RBFOX3: variants seen among roughly 807,000 people sequenced by gnomAD.
RBFOX3 encodes the protein RNA binding protein fox-1 homolog 3.
Under a neutral mutation model 48.7 loss-of-function variants are expected in RBFOX3, and 17 were observed. The observed-to-expected ratio is 0.35, with a 90% CI of 0.24 to 0.52. The LOEUF (loss-of-function observed/expected upper bound fraction) is 0.52. Among genes scored for constraint, RBFOX3 ranks in the 20% least tolerant of loss-of-function variants. RBFOX3 has a pLI of 0.94. For synonymous variants in RBFOX3, 212 were observed against 209.5 expected (o/e 1.01, Z -0.10); for missense variants, 382 against 497.5 (o/e 0.77, Z 2.21).
In RBFOX3 at chr17:79,471,336, C is replaced by T. The variant is rs998685806; in HGVS notation, c.-175+11118G>A. 6.0e-4 allele frequency among the ~76,000 whole-genome samples: 91 copies of T among 152,266 alleles called. No homozygotes were observed. Among genetic ancestry groups the T allele is most frequent in the African/African-American group, 2.1e-3 (87 of 41,536 alleles). On this transcript the variant is annotated intron_variant, in intron 2 of 14. Transcript: ENST00000693108. This position sits in a 1 kb window ranked among gnomAD's most constrained non-coding sequence, Gnocchi z 4.0. The stretch of plus-strand genomic sequence containing the variant: ...TGAGGGCAAAGCATTTTGCAAAGAG[C>T]GTGCAGGGCCGGGCAAAATACTAAA...
the RBFOX3 span, among the ~76,000 whole-genome samples, chr17:79,665,067 C>T: frequency 3.3e-5 from 5 of 152,178 alleles, no homozygotes; most frequent in East Asian, 5.8e-4. Context: ...CTCCTTGATC[C>T]GGCATTCAGA....
chr17:79,144,569 G>C (rs758085969), intron 4 of RBFOX3, among the ~76,000 whole-genome samples: 21 of 152,314 alleles, frequency 1.4e-4, no homozygotes, highest in Non-Finnish European at 2.9e-4. Context: ...GGGTGGAGGG[G>C]GCAGGGCTCA....
chr17:79,532,848 T>C (rs1308668477), intron 1 of RBFOX3, among the ~76,000 whole-genome samples: 1 of 147,026 alleles, frequency 6.8e-6, no homozygotes, highest in Non-Finnish European at 1.5e-5. Context: ...TGTGCACGCA[T>C]GCACGCCGCC....
intron 1 of RBFOX3, among the ~76,000 whole-genome samples, chr17:79,582,571 G>C (rs1202615348): frequency 1.3e-5 from 2 of 152,072 alleles, no homozygotes; most frequent in African/African-American, 4.8e-5. Flanking sequence ...GGGAGGCTGA[G>C]GCAACAGGAT....
intron 1 of RBFOX3, among the ~76,000 whole-genome samples, chr17:79,583,570 G>C (rs1334936700): frequency 6.6e-6 from 1 of 152,182 alleles, no homozygotes; most frequent in Non-Finnish European, 1.5e-5. Flanking sequence ...TGAAGACTGG[G>C]TCGGGATCAA....
chr17:79,547,162 T>C (rs2090554214), intron 1 of RBFOX3, among the ~76,000 whole-genome samples: 1 of 152,134 alleles, frequency 6.6e-6, no homozygotes, highest in South Asian at 2.1e-4. Flanking sequence ...TCAAGCCAAC[T>C]CCCAAGCGTT....
At chr17:79,366,372 G>A (rs1485125391) in intron 2 of RBFOX3, among the ~76,000 whole-genome samples, 3 of 152,202 alleles carry the variant, frequency 2.0e-5, no homozygotes, top group East Asian at 1.9e-4. Flanking sequence ...ATACTAAGCC[G>A]TTTCTTTTTC....
At chr17:79,186,234 G>T (rs1455657382) in intron 4 of RBFOX3, among the ~76,000 whole-genome samples, 1 of 152,226 alleles carries the variant, frequency 6.6e-6, no homozygotes, top group Non-Finnish European at 1.5e-5. Flanking sequence ...CAGAGAGAGA[G>T]GACTGAGAAT....
At chr17:79,609,470 C>T (rs1012275763) in intron 1 of RBFOX3, among the ~76,000 whole-genome samples, 1 of 152,214 alleles carries the variant, frequency 6.6e-6, no homozygotes, top group Non-Finnish European at 1.5e-5. Context: ...TAGCCTCCAC[C>T]GTGGGGTGTC....
intron 1 of RBFOX3, among the ~76,000 whole-genome samples, chr17:79,584,805 G>A (rs1016821816): frequency 5.3e-5 from 8 of 151,132 alleles, no homozygotes; most frequent in African/African-American, 7.3e-5. Flanking sequence ...TCACTCTGTC[G>A]CCCAGGCTGG....
At chr17:79,663,544 C>T in the RBFOX3 span, among the ~76,000 whole-genome samples, 26 of 152,298 alleles carry the variant, frequency 1.7e-4, no homozygotes, top group Non-Finnish European at 8.8e-5. Context: ...TCTGCAGACA[C>T]CTTGTGCCCC....
intron 3 of RBFOX3, among the ~76,000 whole-genome samples, chr17:79,292,600 GCACACACACACA>G (rs1037519635): frequency 1.3e-5 from 1 of 79,016 alleles, no homozygotes; most frequent in African/African-American, 6.0e-5. Context: ...ACACACACAC[GCACACACACACA>G]CACATACATG....
chr17:79,437,225 A>G (rs1290510581), intron 2 of RBFOX3, among the ~76,000 whole-genome samples: 4 of 151,936 alleles, frequency 2.6e-5, no homozygotes, highest in Admixed American at 2.6e-4. Context: ...CCCCATCCCC[A>G]AGCCCCAGAG....
chr17:79,147,323 C>T (rs943805266), intron 4 of RBFOX3, among the ~76,000 whole-genome samples: 15 of 152,232 alleles, frequency 9.9e-5, no homozygotes, highest in African/African-American at 2.9e-4. Flanking sequence ...CCCTACGCAG[C>T]CCATTTTACA....
At chr17:79,180,236 AG>A (rs1179048083) in intron 4 of RBFOX3, among the ~76,000 whole-genome samples, 174 of 152,232 alleles carry the variant, frequency 1.1e-3, no homozygotes, top group Non-Finnish European at 1.0e-4. Context: ...CAGCCTACCT[AG>A]GGTCCAACCC....
intron 3 of RBFOX3, among the ~76,000 whole-genome samples, chr17:79,282,262 A>G (rs976194248): frequency 3.3e-5 from 5 of 152,218 alleles, no homozygotes; most frequent in Non-Finnish European, 5.9e-5. Flanking sequence ...CGGCCACGAA[A>G]GCAGGGGTAA....
intron 1 of RBFOX3, among the ~76,000 whole-genome samples, chr17:79,506,218 G>C (rs2083097145): frequency 6.6e-6 from 1 of 152,240 alleles, no homozygotes; most frequent in African/African-American, 2.4e-5. Context: ...TCCTCCATCA[G>C]AGCCAGAAAA....
intron 1 of RBFOX3, among the ~76,000 whole-genome samples, chr17:79,519,851 T>A (rs2085802428): frequency 1.3e-5 from 2 of 152,172 alleles, no homozygotes; most frequent in African/African-American, 4.8e-5. Context: ...CTGTCCCGCA[T>A]GGCTGCTGCG....
At chr17:79,538,460 G>A (rs547105697) in intron 1 of RBFOX3, among the ~76,000 whole-genome samples, 169 of 152,338 alleles carry the variant, frequency 1.1e-3, no homozygotes, top group Non-Finnish European at 1.8e-3. Flanking sequence ...GGGAGGCAGG[G>A]ACAACCACAG....
Sources: allele counts gnomAD v4.1 joint callset (sites outside exome capture counted in the v4.1 genomes callset), GRCh38; gene constraint gnomAD v4.1.1; non-coding constraint Gnocchi (gnomAD v3.1); transcripts MANE v1.5; gene names NCBI Gene and HGNC (gene_info 2026-07-23, HGNC 2026-07-21).